The following NRXN1 variants were observed in gnomAD, a reference collection of about 807,000 sequenced individuals.
NRXN1 encodes the protein neurexin 1.
A neutral mutation model predicts 150.9 loss-of-function variants in NRXN1; 39 were observed. That is an observed-to-expected ratio of 0.26 (90% confidence interval 0.20 to 0.34). The LOEUF (loss-of-function observed/expected upper bound fraction) is 0.34, where lower values mean the gene tolerates loss of function less well. Among genes scored for constraint, NRXN1 ranks in the 10% least tolerant of loss-of-function variants. NRXN1 has a pLI of 1.00. For synonymous variants in NRXN1, 924 were observed against 757.0 expected (o/e 1.22, Z -3.62); for missense variants, 1,815 against 1,949.9 (o/e 0.93, Z 1.30).
At chr2:50,157,522 C>T (rs2059096777) in intron 18 of NRXN1, among the ~76,000 whole-genome samples, 1 of 151,958 alleles carries the variant, frequency 6.6e-6, no homozygotes, top group Non-Finnish European at 1.5e-5. Context: ...AAGACTTTCA[C>T]ATAATATAGG....
At chr2:50,513,839 G>C (rs1478455286) in intron 12 of NRXN1, among the ~76,000 whole-genome samples, 7 of 152,054 alleles carry the variant, frequency 4.6e-5, no homozygotes. Context: ...ACCCATAGCA[G>C]TTATATTTGG....
intron 21 of NRXN1, among the ~76,000 whole-genome samples, chr2:49,961,047 T>G (rs954001543): frequency 2.0e-5 from 3 of 152,082 alleles, no homozygotes; most frequent in Admixed American, 6.5e-5. Context: ...AATAAATGAT[T>G]TATTTAATTA....
At chr2:50,669,334 T>G (rs910819287) in intron 5 of NRXN1, among the ~76,000 whole-genome samples, 2 of 151,914 alleles carry the variant, frequency 1.3e-5, no homozygotes, top group African/African-American at 4.8e-5. Flanking sequence ...CTTTGAAAAG[T>G]CCCAGAGAGG....
Position 50,312,694 on chromosome 2 carries a change from C to A in NRXN1, c.3365-75724G>T, listed in dbSNP as rs555499912. Reference sequence around the variant, plus strand: ...CATCTGATTTTTTGTCACATCCTCTCATCTAGTCACTAGAAAATGCTTCTA... The same window carrying A: ...CATCTGATTTTTTGTCACATCCTCTAATCTAGTCACTAGAAAATGCTTCTA... On this transcript the variant is annotated intron_variant, in intron 17 of 22. Coordinates refer to ENST00000401669, the MANE Select transcript of NRXN1 (RefSeq NM_001330078.2). The A allele has an allele frequency of 4.1e-5, 21 of 509,492 alleles. No homozygotes were observed. In the Middle Eastern group the frequency reaches 1.9e-3, roughly 47 times the overall value. The allele number at this position is 509,492 out of a possible 1,614,324, so 31.6% of individuals were successfully genotyped here.
intron 5 of NRXN1, among the ~76,000 whole-genome samples, chr2:50,708,491 G>A (rs993154286): frequency 5.9e-5 from 9 of 152,076 alleles, no homozygotes; most frequent in Non-Finnish European, 1.2e-4. Context: ...CTAGAGCCTC[G>A]TTAGTAAGAT....
At chr2:50,265,260 T>G (rs1457454308) in intron 17 of NRXN1, among the ~76,000 whole-genome samples, 1 of 151,942 alleles carries the variant, frequency 6.6e-6, no homozygotes, top group Admixed American at 6.6e-5. Flanking sequence ...CGAAAAAAAA[T>G]GTGTACTCTG....
chr2:50,745,305 C>CT lies in NRXN1; in HGVS notation c.833-121691_833-121690insA, dbSNP rs932765962. 2.0e-5 allele frequency among the ~76,000 whole-genome samples: 3 copies of CT among 146,430 alleles called. 1 individual carries two copies. Among genetic ancestry groups the CT allele is most frequent in the South Asian group, 2.3e-4 (1 of 4,370 alleles). Reference sequence around the variant, plus strand: ...TATTTTTATATTTATATCTGCCCCCCCCCAGGACTGAAAAAAAACCACTTT... The same window carrying CT: ...TATTTTTATATTTATATCTGCCCCCCTCCCAGGACTGAAAAAAAACCACTTT... On this transcript the variant is annotated intron_variant, in intron 5 of 22. Transcript: ENST00000401669.
intron 18 of NRXN1, among the ~76,000 whole-genome samples, chr2:50,129,990 C>A (rs561221003): frequency 6.6e-6 from 1 of 152,098 alleles, no homozygotes; most frequent in Non-Finnish European, 1.5e-5. Flanking sequence ...AAACTATAAA[C>A]GCCAGACACT....
chr2:50,048,837 T>C (rs917584267), intron 21 of NRXN1, among the ~76,000 whole-genome samples: 3 of 152,152 alleles, frequency 2.0e-5, no homozygotes, highest in Non-Finnish European at 2.9e-5. Flanking sequence ...ATGGAACTGC[T>C]CCAATACATT....
intron 8 of NRXN1, 48 bp from the exon 9 acceptor site, chr2:50,553,073 T>C: frequency 7.4e-7 from 1 of 1,350,588 alleles, no homozygotes; most frequent in Non-Finnish European, 1.0e-6. Context: ...TATTTTAATA[T>C]CTGAAACTTG....
chr2:50,020,862 A>G (rs1002060762), intron 21 of NRXN1, among the ~76,000 whole-genome samples: 1 of 152,196 alleles, frequency 6.6e-6, no homozygotes, highest in Non-Finnish European at 1.5e-5. Context: ...CTCCTGACAC[A>G]TTCCTTTCTC....
At chr2:50,026,554 AATGAGTTCAGTT>A (rs1458999880) in intron 21 of NRXN1, among the ~76,000 whole-genome samples, 1 of 152,166 alleles carries the variant, frequency 6.6e-6, no homozygotes, top group Non-Finnish European at 1.5e-5. Context: ...GCTGTCTCTC[AATGAGTTCAGTT>A]ACATCTTAAA....
intron 5 of NRXN1, among the ~76,000 whole-genome samples, chr2:50,661,559 A>T (rs1045101902): frequency 6.6e-6 from 1 of 152,054 alleles, no homozygotes; most frequent in South Asian, 2.1e-4. Context: ...ATTACCCAAC[A>T]GCTGTTTAGA....
intron 8 of NRXN1, among the ~76,000 whole-genome samples, chr2:50,556,881 A>T (rs903908967): frequency 6.6e-6 from 1 of 152,092 alleles, no homozygotes; most frequent in Non-Finnish European, 1.5e-5. Flanking sequence ...GACATCTATA[A>T]AGGAAAGGCG....
At chr2:51,001,698 C>A (rs1700100357) in intron 2 of NRXN1, among the ~76,000 whole-genome samples, 1 of 151,950 alleles carries the variant, frequency 6.6e-6, no homozygotes, top group Non-Finnish European at 1.5e-5. Flanking sequence ...ATATCAGCAA[C>A]TGTCTCATTT....
chr2:50,161,124 C>A (rs1190945827), intron 18 of NRXN1, among the ~76,000 whole-genome samples: 1 of 152,082 alleles, frequency 6.6e-6, no homozygotes, highest in Non-Finnish European at 1.5e-5. Context: ...TCAAAACTGC[C>A]AAGACTGTTT....
intron 18 of NRXN1, among the ~76,000 whole-genome samples, chr2:50,173,176 C>G (rs780110018): frequency 2.0e-5 from 3 of 152,120 alleles, no homozygotes; most frequent in Non-Finnish European, 4.4e-5. Flanking sequence ...TGGAGCATAA[C>G]TATCCTAAGA....
intron 8 of NRXN1, among the ~76,000 whole-genome samples, chr2:50,575,737 C>T (rs561277061): frequency 6.6e-6 from 1 of 152,218 alleles, no homozygotes; most frequent in South Asian, 2.1e-4. Flanking sequence ...TACCATTTTT[C>T]CCCAGTACAC....
chr2:50,050,056 G>C (rs1418763967), intron 21 of NRXN1, among the ~76,000 whole-genome samples: 1 of 151,470 alleles, frequency 6.6e-6, no homozygotes, highest in Non-Finnish European at 1.5e-5. Flanking sequence ...GGAACAATTC[G>C]ATCAGAAGTT....
Sources: allele counts gnomAD v4.1 joint callset (sites outside exome capture counted in the v4.1 genomes callset), GRCh38; gene constraint gnomAD v4.1.1; transcripts MANE v1.5; gene names NCBI Gene and HGNC (gene_info 2026-07-23, HGNC 2026-07-21).